SVIL: variants seen among roughly 807,000 people sequenced by gnomAD.
SVIL encodes the protein supervillin.
SVIL carries 101 observed loss-of-function variants against 240.4 expected under a neutral mutation model. That is an observed-to-expected ratio of 0.42 (90% CI 0.36 to 0.50). The LOEUF (loss-of-function observed/expected upper bound fraction) is 0.50, where lower values mean the gene tolerates loss of function less well. Ranked by LOEUF, SVIL falls within the 20% of genes least tolerant of loss-of-function variation. The pLI is 0.01. For missense variants in SVIL, 2,512 were observed against 2,818.7 expected (o/e 0.89, Z 2.46); for synonymous variants, 999 against 1,100.0 (o/e 0.91, Z 1.82).
intron 30 of SVIL, among the ~76,000 whole-genome samples, chr10:29,471,775 G>T (rs1415258090): frequency 6.6e-6 from 1 of 152,192 alleles, no homozygotes; most frequent in Admixed American, 6.5e-5. Context: ...TGTTAGGTTT[G>T]AGTCACCTCC....
chr10:29,594,550 ATTTTTTTTCTTTTT>A (rs1956508580), intron 1 of SVIL, among the ~76,000 whole-genome samples: 2 of 133,996 alleles, frequency 1.5e-5, no homozygotes, highest in African/African-American at 2.8e-5. Context: ...TACCTTCTTA[ATTTTTTTTCTTTTT>A]TTTTTTTTTT....
intron 6 of SVIL, among the ~76,000 whole-genome samples, chr10:29,548,338 T>A (rs1048285723): frequency 6.6e-6 from 1 of 152,154 alleles, no homozygotes; most frequent in Non-Finnish European, 1.5e-5. Context: ...CCCTTCTCAA[T>A]TCACCTGGGA....
chr10:29,529,167 C>T (rs112159020), intron 12 of SVIL, among the ~76,000 whole-genome samples: 12,365 of 101,248 alleles, frequency 0.12, 763 homozygotes, highest in Non-Finnish European at 0.14. Context: ...CAGAGCAAGA[C>T]TCTCTCTCAA....
chr10:29,669,399 T>C (rs951051590), intron 2 of SVIL, among the ~76,000 whole-genome samples: 2 of 152,158 alleles, frequency 1.3e-5, no homozygotes, highest in South Asian at 4.1e-4. Flanking sequence ...TGCTGTTCAG[T>C]GATGGCTGAG....
At chr10:29,505,341 A>C (rs1358984098) in intron 17 of SVIL, among the ~76,000 whole-genome samples, 4 of 152,000 alleles carry the variant, frequency 2.6e-5, no homozygotes, top group Non-Finnish European at 5.9e-5. Flanking sequence ...TAATAATAAT[A>C]ATCATAATAA....
chr10:29,461,115 C>T (rs1944207323), intron 36 of SVIL, among the ~76,000 whole-genome samples: 1 of 152,158 alleles, frequency 6.6e-6, no homozygotes, highest in Non-Finnish European at 1.5e-5. Flanking sequence ...TTCCCCTTGG[C>T]TGTAGCACCC....
At chr10:29,652,033 A>G (rs1403612603) in intron 3 of SVIL, among the ~76,000 whole-genome samples, 2 of 152,004 alleles carry the variant, frequency 1.3e-5, no homozygotes, top group African/African-American at 4.8e-5. Flanking sequence ...ACACACACAC[A>G]CACACCAGGC....
At chr10:29,732,549 A>G (rs1476136642) in intron 1 of SVIL, among the ~76,000 whole-genome samples, 1 of 152,248 alleles carries the variant, frequency 6.6e-6, no homozygotes, top group African/African-American at 2.4e-5. Flanking sequence ...TAACTGACCT[A>G]TGCTTCATGC....
chr10:29,687,604 G>A (rs1961176738), intron 1 of SVIL, among the ~76,000 whole-genome samples: 2 of 152,216 alleles, frequency 1.3e-5, no homozygotes, highest in Admixed American at 1.3e-4. Context: ...AATCTGGGAA[G>A]GGAGGTTGCA....
chr10:29,701,982 T>C (rs1962546344), intron 1 of SVIL, among the ~76,000 whole-genome samples: 1 of 152,108 alleles, frequency 6.6e-6, no homozygotes. Flanking sequence ...GAGACCAGCC[T>C]GGCCAAAACG....
chr10:29,614,063 C>T (rs1468828223), intron 1 of SVIL, among the ~76,000 whole-genome samples: 1 of 152,148 alleles, frequency 6.6e-6, no homozygotes, highest in East Asian at 1.9e-4. Flanking sequence ...GCCACTGAGG[C>T]ACCAGAAATA....
intron 36 of SVIL, among the ~76,000 whole-genome samples, chr10:29,461,803 T>A (rs1045716709): frequency 3.3e-5 from 5 of 152,186 alleles, no homozygotes; most frequent in Admixed American, 6.5e-5. Context: ...GAGTGATCCC[T>A]TATCATAAGG....
chr10:29,505,250 C>T (rs1269642007), intron 17 of SVIL, among the ~76,000 whole-genome samples: 2 of 152,036 alleles, frequency 1.3e-5, no homozygotes, highest in South Asian at 2.1e-4. Context: ...CGCTTGAACC[C>T]GGGAGGTGGA....
intron 1 of SVIL, among the ~76,000 whole-genome samples, chr10:29,722,110 C>G (rs1964022528): frequency 6.6e-6 from 1 of 151,542 alleles, no homozygotes; most frequent in Admixed American, 6.6e-5. Flanking sequence ...TGGTGGTGCG[C>G]ATCTGTAATT....
At position 29,583,782 on chromosome 10, in the gene SVIL, T is replaced by C. The variant is rs1956046665; in HGVS notation, c.-200-14470A>G. Among the ~76,000 whole-genome samples, 4 of 152,296 alleles carry C rather than the reference T, an allele frequency of 2.6e-5. No individual in the cohort carries two copies. In the South Asian group the frequency reaches 8.3e-4, roughly 32 times the overall value. On this transcript the variant is annotated intron_variant, in intron 1 of 37. Coordinates refer to ENST00000355867, the MANE Select transcript of SVIL (RefSeq NM_021738.3). ...GCAGATCCCGTGCTCACAGTGCAGG[T>C]GCCTTGGGGAGGTCATGACACAAAA...
chr10:29,597,093 T>C (rs1259601103), intron 1 of SVIL, among the ~76,000 whole-genome samples: 1 of 152,194 alleles, frequency 6.6e-6, no homozygotes, highest in East Asian at 1.9e-4. Context: ...GACCGGCTCC[T>C]GAGGTTGCAC....
intron 6 of SVIL, among the ~76,000 whole-genome samples, chr10:29,541,692 T>TG (rs59384778): frequency 0.047 from 7,142 of 152,186 alleles, 557 homozygotes; most frequent in African/African-American, 0.16. Context: ...GGTGCGAGGC[T>TG]GGATTGGCAT....
intron 3 of SVIL, among the ~76,000 whole-genome samples, chr10:29,558,349 G>A (rs1380297009): frequency 6.6e-6 from 1 of 152,146 alleles, no homozygotes; most frequent in Non-Finnish European, 1.5e-5. Flanking sequence ...ATGTATTGGT[G>A]AGCTTATTAA....
At chr10:29,696,686 G>A (rs1279510342) in intron 1 of SVIL, among the ~76,000 whole-genome samples, 1 of 140,526 alleles carries the variant, frequency 7.1e-6, no homozygotes, top group East Asian at 2.4e-4. Context: ...CGGCCGCCCC[G>A]TCTGAGAAGT....
Sources: allele counts gnomAD v4.1 joint callset (sites outside exome capture counted in the v4.1 genomes callset), GRCh38; gene constraint gnomAD v4.1.1; transcripts MANE v1.5; gene names NCBI Gene and HGNC (gene_info 2026-07-23, HGNC 2026-07-21).